Variants in GRIA2 observed in about 807,000 individuals in gnomAD.
GRIA2 encodes glutamate receptor 2.
In GRIA2, 14 loss-of-function variants were observed where a neutral mutation model predicts 97.3. The ratio of observed to expected loss-of-function variants is 0.14; its 90% CI spans 0.10 to 0.23. The LOEUF is 0.23. GRIA2 is among the 10% of genes least tolerant of loss of function. The probability of loss-of-function intolerance (pLI) is 1.00; values close to 1 mark genes in which losing one functional copy is unlikely to be tolerated. For synonymous variants in GRIA2, 412 were observed against 387.8 expected, an observed-to-expected ratio of 1.06 and a Z score of -0.73; for missense variants, 558 against 1,069.8, an observed-to-expected ratio of 0.52 and a Z score of 6.67.
intron 11 of GRIA2, 146 bp from the exon 12 acceptor site, chr4:157,341,118 T>C: frequency 1.6e-6 from 1 of 625,270 alleles, no homozygotes; most frequent in East Asian, 2.8e-5. Flanking sequence ...TGTTTAATGA[T>C]TTCCAGTTTC....
At chr4:157,355,904 T>TATATTTATATATAA (rs1560781024) in intron 12 of GRIA2, among the ~76,000 whole-genome samples, 12 of 13,654 alleles carry the variant, frequency 8.8e-4, no homozygotes, top group East Asian at 0.016. Flanking sequence ...TATATATAAA[T>TATATTTATATATAA]ATATATATAT....
chr4:157,355,600 A>ATATTTATATTTATT (rs1736221594), intron 12 of GRIA2, among the ~76,000 whole-genome samples: 1 of 102,614 alleles, frequency 9.7e-6, no homozygotes, highest in African/African-American at 4.2e-5. Context: ...ATTTATATAT[A>ATATTTATATTTATT]TATTTATATA....
chr4:157,254,623 ATAT>A (rs1367599609), intron 2 of GRIA2, among the ~76,000 whole-genome samples: 1 of 152,062 alleles, frequency 6.6e-6, no homozygotes, highest in African/African-American at 2.4e-5. Context: ...CAAATTGATA[ATAT>A]TATATATATT....
chr4:157,229,143 A>G (rs544010081), intron 2 of GRIA2, among the ~76,000 whole-genome samples: 1 of 152,314 alleles, frequency 6.6e-6, no homozygotes, highest in South Asian at 2.1e-4. Flanking sequence ...GTTTCTGGAC[A>G]TAGTTTCTCT....
intron 2 of GRIA2, among the ~76,000 whole-genome samples, chr4:157,232,340 G>T (rs1313241299): frequency 2.0e-5 from 3 of 152,242 alleles, no homozygotes; most frequent in African/African-American, 7.2e-5. Context: ...ATAAGGGTGT[G>T]TGTGCTTTGC....
chr4:157,304,582 G>A (rs1733756561), intron 3 of GRIA2, among the ~76,000 whole-genome samples: 1 of 152,142 alleles, frequency 6.6e-6, no homozygotes, highest in South Asian at 2.1e-4. Flanking sequence ...AACATCTTGT[G>A]TGTGTGTGTT....
At chr4:157,225,889 G>A (rs1253679551) in intron 2 of GRIA2, among the ~76,000 whole-genome samples, 1 of 151,698 alleles carries the variant, frequency 6.6e-6, no homozygotes, top group Non-Finnish European at 1.5e-5. Context: ...AAAATCAATA[G>A]CAAATTTTAG....
intron 6 of GRIA2, among the ~76,000 whole-genome samples, chr4:157,330,220 G>GA (rs1734989622): frequency 1.3e-5 from 2 of 151,892 alleles, no homozygotes; most frequent in African/African-American, 2.4e-5. Context: ...CAAGGCAACA[G>GA]AACAGTAAAT....
chr4:157,359,863 T>G, intron 12 of GRIA2, 33 bp from the exon 13 acceptor site: 1 of 1,600,052 alleles, frequency 6.2e-7, no homozygotes, highest in Non-Finnish European at 8.5e-7. Context: ...GGGCCATCTC[T>G]TAATGCTATC....
intron 12 of GRIA2, among the ~76,000 whole-genome samples, chr4:157,343,619 G>C (rs1375751725): frequency 6.6e-6 from 1 of 152,060 alleles, no homozygotes; most frequent in Non-Finnish European, 1.5e-5. Context: ...CTAGGTCTCA[G>C]TGCATATAAT....
chr4:157,272,538 A>C (rs1209087651), intron 2 of GRIA2, among the ~76,000 whole-genome samples: 1 of 152,092 alleles, frequency 6.6e-6, no homozygotes, highest in Non-Finnish European at 1.5e-5. Flanking sequence ...AGGGAGACCC[A>C]GTCATTGCTC....
intron 2 of GRIA2, among the ~76,000 whole-genome samples, chr4:157,229,688 A>G (rs1729914497): frequency 2.0e-5 from 3 of 152,146 alleles, no homozygotes. Flanking sequence ...TGATTGTTTC[A>G]GTATTTCAAA....
At chr4:157,335,502 G>T (rs549099767) in intron 9 of GRIA2, 169 bp from the exon 10 acceptor site, 4 of 595,514 alleles carry the variant, frequency 6.7e-6, no homozygotes, top group Non-Finnish European at 1.2e-5. Context: ...GAGGCTTTCT[G>T]GGGGGAAGCA....
chr4:157,283,561 GA>G, intron 2 of GRIA2, among the ~76,000 whole-genome samples: 1 of 151,906 alleles, frequency 6.6e-6, no homozygotes, highest in African/African-American at 2.4e-5. Flanking sequence ...AAATTCATCA[GA>G]ATCACTGGCC....
chr4:157,339,179 T>C (rs1328432652), intron 11 of GRIA2, among the ~76,000 whole-genome samples: 1 of 151,966 alleles, frequency 6.6e-6, no homozygotes, highest in Non-Finnish European at 1.5e-5. Context: ...GTTATTTTTA[T>C]TGTCCTGTTT....
Position 157,361,709 on chromosome 4 carries a change from A to G in GRIA2, c.2406+585A>G. The G allele has an allele frequency of 8.3e-7, 1 of 1,204,714 alleles. No homozygotes were observed. Among genetic ancestry groups the G allele is most frequent in the Non-Finnish European group, 1.2e-6 (1 of 810,868 alleles). The allele number at this position is 1,204,714 out of a possible 1,614,324, so 74.6% of individuals were successfully genotyped here. On this transcript the variant is annotated intron_variant, in intron 14 of 15. Coordinates refer to ENST00000264426, the MANE Select transcript of GRIA2 (RefSeq NM_001083619.3). The surrounding 1 kb of genome is among the most constrained non-coding windows in gnomAD (Gnocchi z 5.2). ...AAAATCAAACACAAACAGCAAAATC[A>G]AACCACAAGTGTGTTAGTGGGAATG... is the stretch of plus-strand genomic sequence containing the variant.
chr4:157,262,414 A>G (rs1175345802), intron 2 of GRIA2, among the ~76,000 whole-genome samples: 2 of 151,994 alleles, frequency 1.3e-5, no homozygotes, highest in Middle Eastern at 3.2e-3. Flanking sequence ...ACTCAAGTCC[A>G]TAGAAGTTAT....
chr4:157,358,904 CA>C (rs934171425), intron 12 of GRIA2, among the ~76,000 whole-genome samples: 30 of 152,052 alleles, frequency 2.0e-4, no homozygotes, highest in African/African-American at 7.0e-4. Flanking sequence ...AAAAAACAAA[CA>C]AACCCCCCCC....
chr4:157,308,257 T>C (rs981376747), intron 3 of GRIA2, among the ~76,000 whole-genome samples: 20 of 152,292 alleles, frequency 1.3e-4, no homozygotes, highest in Admixed American at 3.9e-4. Context: ...AGTAATACTT[T>C]GGGAGAATTT....
Sources: gnomAD v4.1 joint callset for allele counts (sites outside exome capture counted in the v4.1 genomes callset) on GRCh38, gnomAD v4.1.1 for gene constraint, Gnocchi (gnomAD v3.1) non-coding constraint, MANE v1.5 for transcripts, NCBI Gene and HGNC (gene_info 2026-07-23, HGNC 2026-07-21) for gene names.